The following PGM5 variants were observed in gnomAD, a reference collection of about 807,000 sequenced individuals.
PGM5 encodes the protein phosphoglucomutase-like protein 5.
A neutral mutation model predicts 59.2 loss-of-function variants in PGM5; 23 were observed. The ratio of observed to expected loss-of-function variants is 0.39; its 90% CI spans 0.28 to 0.55. PGM5 has a LOEUF of 0.55. Among genes scored for constraint, PGM5 ranks in the 20% least tolerant of loss-of-function variants. PGM5 has a pLI of 0.66. For missense variants in PGM5, 574 were observed against 748.3 expected, an observed-to-expected ratio of 0.77 and a Z score of 2.72; for synonymous variants, 214 against 286.0, an observed-to-expected ratio of 0.75 and a Z score of 2.54.
intron 9 of PGM5, among the ~76,000 whole-genome samples, chr9:68,487,205 T>C (rs1824309558): frequency 6.6e-6 from 1 of 152,092 alleles, no homozygotes; most frequent in African/African-American, 2.4e-5. Flanking sequence ...TGCCTAGATT[T>C]GTGATTTTAG....
At chr9:68,455,602 G>C (rs1823762106) in intron 6 of PGM5, among the ~76,000 whole-genome samples, 1 of 152,032 alleles carries the variant, frequency 6.6e-6, no homozygotes, top group Non-Finnish European at 1.5e-5. Context: ...AATTACAGTT[G>C]GCTTCAGGAG....
intron 6 of PGM5, among the ~76,000 whole-genome samples, chr9:68,401,936 T>G (rs1822682494): frequency 6.7e-6 from 1 of 150,372 alleles, no homozygotes; most frequent in South Asian, 2.1e-4. Context: ...TGTGTATATA[T>G]TTGTCAAGGC....
At chr9:68,426,431 C>A (rs1490649051) in intron 6 of PGM5, among the ~76,000 whole-genome samples, 1 of 152,068 alleles carries the variant, frequency 6.6e-6, no homozygotes, top group Non-Finnish European at 1.5e-5. Flanking sequence ...TATATGGTTT[C>A]AATCACAGGA....
intron 6 of PGM5, among the ~76,000 whole-genome samples, chr9:68,442,770 G>T (rs1247902514): frequency 2.6e-5 from 4 of 152,136 alleles, no homozygotes; most frequent in Non-Finnish European, 5.9e-5. Context: ...CACCAGAGAG[G>T]ATATATGGAT....
At position 68,529,794 on chromosome 9, in the gene PGM5, G is replaced by A. The variant is rs937082606; in HGVS notation, c.*138G>A. On this transcript the variant is annotated 3_prime_UTR_variant, in exon 11 of 11. Transcript: ENST00000396396. ...ATTTTGCTTTTGGGGGATAGAGGGT[G>A]GGTGGGAAAAGAAAAAAAATCCATT... The A allele has an allele frequency of 1.1e-5, 6 of 526,866 alleles. No homozygotes were observed. The highest frequency in any genetic ancestry group is 8.1e-5 in the Admixed American group (2 of 24,808). The allele number at this position is 526,866 out of a possible 1,614,324, so 32.6% of individuals were successfully genotyped here.
At chr9:68,490,347 GTTTTGTT>G (rs1824369605) in intron 9 of PGM5, among the ~76,000 whole-genome samples, 1 of 152,114 alleles carries the variant, frequency 6.6e-6, no homozygotes, top group Admixed American at 6.5e-5. Flanking sequence ...TTTTGTTGTT[GTTTTGTT>G]TTTTGTTTTT....
At chr9:68,409,088 A>C (rs1205267662) in intron 6 of PGM5, among the ~76,000 whole-genome samples, 2 of 152,140 alleles carry the variant, frequency 1.3e-5, no homozygotes, top group African/African-American at 2.4e-5. Flanking sequence ...TGAACTTTAA[A>C]GTAGACATTT....
At chr9:68,379,141 C>A (rs1476004108) in intron 2 of PGM5, among the ~76,000 whole-genome samples, 3 of 152,106 alleles carry the variant, frequency 2.0e-5, no homozygotes, top group Admixed American at 6.6e-5. Context: ...TCCAATATCA[C>A]CTGAAAACTA....
chr9:68,417,417 G>A (rs1285582762), intron 6 of PGM5, among the ~76,000 whole-genome samples: 4 of 149,432 alleles, frequency 2.7e-5, no homozygotes, highest in Non-Finnish European at 5.9e-5. Flanking sequence ...TACTTCCCCT[G>A]GGCCCGGGGG....
Position 68,432,428 on chromosome 9 carries a change from T to C in PGM5, c.1044-32665T>C, listed in dbSNP as rs1823369051. Among the ~76,000 whole-genome samples the C allele has an allele frequency of 2.6e-5, 4 of 152,058 alleles. No individual in the cohort carries two copies. The South Asian group carries it at 8.3e-4, about 31-fold the overall frequency. On this transcript the variant is annotated intron_variant, in intron 6 of 10. Coordinates refer to ENST00000396396, the MANE Select transcript of PGM5 (RefSeq NM_021965.4). ...GTTGGCCAGGCTGATCTTGAACTCATGGTCTCAAGTGATCGGCCCACCTCA... is the reference window on the plus strand; with the variant it reads ...GTTGGCCAGGCTGATCTTGAACTCACGGTCTCAAGTGATCGGCCCACCTCA...
chr9:68,375,369 T>G (rs1293141824), intron 1 of PGM5, among the ~76,000 whole-genome samples: 1 of 152,220 alleles, frequency 6.6e-6, no homozygotes, highest in Admixed American at 6.5e-5. Context: ...AATATTCCAG[T>G]CCACCTGCAT....
chr9:68,406,968 C>T (rs1269751397), intron 6 of PGM5, among the ~76,000 whole-genome samples: 1 of 151,756 alleles, frequency 6.6e-6, no homozygotes, highest in Non-Finnish European at 1.5e-5. Context: ...ATTCACATTT[C>T]AGAGTCCATC....
chr9:68,418,298 A>T (rs1471067304), intron 6 of PGM5, among the ~76,000 whole-genome samples: 1 of 152,118 alleles, frequency 6.6e-6, no homozygotes, highest in Non-Finnish European at 1.5e-5. Context: ...TTAGGAAGGG[A>T]TCCTCTGGGA....
At chr9:68,496,753 G>C (rs1376066152) in intron 9 of PGM5, 2 of 152,222 alleles carry the variant, frequency 1.3e-5, no homozygotes, top group African/African-American at 2.4e-5. Context: ...AGTTTGTTAT[G>C]ACCTGAATTC....
chr9:68,509,603 G>T (rs1464572421), intron 10 of PGM5, among the ~76,000 whole-genome samples: 1 of 152,212 alleles, frequency 6.6e-6, no homozygotes, highest in Non-Finnish European at 1.5e-5. Context: ...GCCACACAGG[G>T]CCACGCAGGG....
At chr9:68,375,530 G>A (rs1554677534) in intron 1 of PGM5, among the ~76,000 whole-genome samples, 1 of 152,074 alleles carries the variant, frequency 6.6e-6, no homozygotes, top group African/African-American at 2.4e-5. Flanking sequence ...CCCCCTTCAA[G>A]GTATTTCTCC....
At chr9:68,518,055 A>C (rs1587231031) in intron 10 of PGM5, among the ~76,000 whole-genome samples, 1 of 152,336 alleles carries the variant, frequency 6.6e-6, no homozygotes, top group East Asian at 1.9e-4. Flanking sequence ...TGCCTCTGCT[A>C]ACCAGGAGAC....
chr9:68,387,980 T>C (rs1344683739), intron 4 of PGM5, among the ~76,000 whole-genome samples: 1 of 151,846 alleles, frequency 6.6e-6, no homozygotes, highest in Non-Finnish European at 1.5e-5. Flanking sequence ...TTCAGCTGTT[T>C]CTTTTTTGTA....
chr9:68,373,715 C>A (rs1821798395), intron 1 of PGM5, among the ~76,000 whole-genome samples: 1 of 152,164 alleles, frequency 6.6e-6, no homozygotes, highest in Non-Finnish European at 1.5e-5. Context: ...GAAATGTAGG[C>A]AATTTTTATT....
Sources: gnomAD v4.1 joint callset for allele counts (sites outside exome capture counted in the v4.1 genomes callset) on GRCh38, gnomAD v4.1.1 for gene constraint, MANE v1.5 for transcripts, NCBI Gene and HGNC (gene_info 2026-07-23, HGNC 2026-07-21) for gene names.